The following ADGRL3 variants were observed in gnomAD, a reference collection of about 807,000 sequenced individuals.
ADGRL3 encodes calcium-independent alpha-latrotoxin receptor 3.
In ADGRL3, 62 loss-of-function variants were observed where a neutral mutation model predicts 153.5. That is an observed-to-expected ratio of 0.40 (90% CI 0.33 to 0.50). The LOEUF (loss-of-function observed/expected upper bound fraction) is 0.50, where lower values mean the gene tolerates loss of function less well. Ranked by LOEUF, ADGRL3 falls within the 20% of genes least tolerant of loss-of-function variation. The pLI, the probability that ADGRL3 is intolerant of heterozygous loss-of-function variation, is 0.47. For missense variants in ADGRL3, 1,641 were observed against 1,859.4 expected (o/e 0.88, Z 2.16); for synonymous variants, 710 against 672.5 (o/e 1.06, Z -0.86).
At position 62,072,743 on chromosome 4, in the gene ADGRL3, C is replaced by A. The variant is rs1746077181; in HGVS notation, c.*1835C>A. On this transcript the variant is annotated 3_prime_UTR_variant, in exon 27 of 27. Coordinates refer to ENST00000683033, the MANE Select transcript of ADGRL3 (RefSeq NM_001387552.1). ...CTTATCTATAAACCAGCTGCAGTCA[C>A]TATGCTTACCTTTAAAACCAGATTC... 6.6e-6 allele frequency: 1 copy of A among 152,066 alleles called. No individual in the cohort carries two copies. Among genetic ancestry groups the A allele is most frequent in the Admixed American group, 6.6e-5 (1 of 15,254 alleles). 9.4% of individuals were successfully genotyped at this position (152,066 alleles called of 1,614,324 possible).
intron 1 of ADGRL3, among the ~76,000 whole-genome samples, chr4:61,354,975 T>C (rs1324679406): frequency 6.6e-6 from 1 of 152,118 alleles, no homozygotes; most frequent in Non-Finnish European, 1.5e-5. Flanking sequence ...AATATTTATG[T>C]TCAATGGACC....
At chr4:62,043,563 T>G (rs904697472) in intron 24 of ADGRL3, among the ~76,000 whole-genome samples, 9 of 152,086 alleles carry the variant, frequency 5.9e-5, no homozygotes, top group Non-Finnish European at 1.3e-4. Flanking sequence ...GGAGTTCAAA[T>G]GTATTTGGAA....
At chr4:61,462,769 G>A (rs986961522) in intron 2 of ADGRL3, among the ~76,000 whole-genome samples, 4 of 152,098 alleles carry the variant, frequency 2.6e-5, no homozygotes, top group African/African-American at 7.2e-5. Flanking sequence ...CAGGCATTAC[G>A]GTGTTACTCA....
At chr4:61,804,901 A>G (rs562646338) in intron 8 of ADGRL3, among the ~76,000 whole-genome samples, 11 of 151,716 alleles carry the variant, frequency 7.3e-5, no homozygotes, top group African/African-American at 2.4e-4. Flanking sequence ...CAATCCACCT[A>G]TGAACTTTGT....
At chr4:61,232,759 A>C (rs2149210538) in intron 1 of ADGRL3, among the ~76,000 whole-genome samples, 1 of 152,328 alleles carries the variant, frequency 6.6e-6, no homozygotes, top group Middle Eastern at 3.4e-3. Flanking sequence ...TGCCTGGAAC[A>C]TAGAAAATGT....
At chr4:62,034,429 C>A (rs186056271) in intron 23 of ADGRL3, among the ~76,000 whole-genome samples, 13 of 151,906 alleles carry the variant, frequency 8.6e-5, no homozygotes, top group Middle Eastern at 3.4e-3. Context: ...TTCATCCATT[C>A]TGTGTTTTGA....
intron 9 of ADGRL3, among the ~76,000 whole-genome samples, chr4:61,889,459 C>G (rs2098557290): frequency 6.6e-6 from 1 of 152,156 alleles, no homozygotes. Flanking sequence ...AACAATTCAG[C>G]TTTTGTTTGA....
intron 9 of ADGRL3, among the ~76,000 whole-genome samples, chr4:61,847,962 ATT>A (rs1491368002): frequency 6.0e-5 from 1 of 16,698 alleles, no homozygotes; most frequent in African/African-American, 1.6e-4. Flanking sequence ...TATAAAATAT[ATT>A]ATATATATAA....
chr4:61,216,120 TC>T (rs1023227610), intron 1 of ADGRL3, among the ~76,000 whole-genome samples: 10 of 152,146 alleles, frequency 6.6e-5, no homozygotes, highest in African/African-American at 2.4e-4. Context: ...TTTTTACGTT[TC>T]TTCCTTCGTT....
intron 1 of ADGRL3, among the ~76,000 whole-genome samples, chr4:61,332,922 G>A (rs1188177349): frequency 1.3e-5 from 2 of 152,110 alleles, no homozygotes; most frequent in Non-Finnish European, 2.9e-5. Flanking sequence ...GAAAGAATCC[G>A]TATTCTATTA....
intron 1 of ADGRL3, among the ~76,000 whole-genome samples, chr4:61,316,245 AT>A (rs966291202): frequency 1.3e-5 from 2 of 152,140 alleles, no homozygotes; most frequent in African/African-American, 4.8e-5. Flanking sequence ...TGAAAATAAC[AT>A]TTGAAAGAGC....
chr4:61,442,022 T>C (rs1377342907), intron 2 of ADGRL3, among the ~76,000 whole-genome samples: 1 of 152,192 alleles, frequency 6.6e-6, no homozygotes, highest in African/African-American at 2.4e-5. Flanking sequence ...ATTTAATTAT[T>C]TTGATTTCAA....
At chr4:61,648,129 G>A (rs1176426562) in intron 5 of ADGRL3, among the ~76,000 whole-genome samples, 15 of 151,814 alleles carry the variant, frequency 9.9e-5, no homozygotes, top group Non-Finnish European at 1.5e-4. Context: ...AATTCCATAT[G>A]TGCTAATCAG....
chr4:62,036,967 C>A (rs1406775491), intron 23 of ADGRL3, among the ~76,000 whole-genome samples: 2 of 151,966 alleles, frequency 1.3e-5, no homozygotes, highest in East Asian at 3.9e-4. Context: ...TGCTTGAAAA[C>A]ATCAGCTAAA....
intron 8 of ADGRL3, among the ~76,000 whole-genome samples, chr4:61,778,835 A>G (rs1407975518): frequency 2.0e-5 from 3 of 152,290 alleles, no homozygotes; most frequent in African/African-American, 7.2e-5. Flanking sequence ...AGGCAGGTGG[A>G]TCATTTGAGG....
At chr4:61,384,286 A>G (rs977269830) in intron 2 of ADGRL3, among the ~76,000 whole-genome samples, 1 of 151,884 alleles carries the variant, frequency 6.6e-6, no homozygotes, top group South Asian at 2.1e-4. Flanking sequence ...CAGAAGAGAT[A>G]TGATTGAATC....
At chr4:62,066,999 T>C (rs991280112) in intron 25 of ADGRL3, among the ~76,000 whole-genome samples, 2 of 152,140 alleles carry the variant, frequency 1.3e-5, no homozygotes, top group Non-Finnish European at 2.9e-5. Context: ...AGTTCTAAAA[T>C]GCTTTCATTT....
intron 26 of ADGRL3, among the ~76,000 whole-genome samples, chr4:62,069,800 A>G (rs914951051): frequency 6.6e-6 from 1 of 152,172 alleles, no homozygotes; most frequent in African/African-American, 2.4e-5. Context: ...AACCAAATAT[A>G]CTTCAAATAA....
chr4:61,502,089 T>C (rs1026144016), intron 3 of ADGRL3, among the ~76,000 whole-genome samples: 1 of 152,252 alleles, frequency 6.6e-6, no homozygotes, highest in Non-Finnish European at 1.5e-5. Flanking sequence ...TTTGTTGTTG[T>C]TCTGTTGATG....
Sources: allele counts gnomAD v4.1 joint callset (sites outside exome capture counted in the v4.1 genomes callset), GRCh38; gene constraint gnomAD v4.1.1; transcripts MANE v1.5; gene names NCBI Gene and HGNC (gene_info 2026-07-23, HGNC 2026-07-21).